LCP1: variants seen among roughly 807,000 people sequenced by gnomAD.
LCP1 encodes plastin-2.
In LCP1, 23 loss-of-function variants were observed where a neutral mutation model predicts 72.0. The ratio of observed to expected loss-of-function variants is 0.32; its 90% CI spans 0.23 to 0.45. The LOEUF (loss-of-function observed/expected upper bound fraction) is 0.45. LCP1 is among the 20% of genes least tolerant of loss of function. The pLI, the probability that LCP1 is intolerant of heterozygous loss-of-function variation, is 1.00. For synonymous variants in LCP1, 245 were observed against 275.4 expected (o/e 0.89, Z 1.09); for missense variants, 571 against 748.3 (o/e 0.76, Z 2.76).
At chr13:46,157,179 GCAAATATAT>G (rs1156476874) in intron 4 of LCP1, among the ~76,000 whole-genome samples, 1 of 150,674 alleles carries the variant, frequency 6.6e-6, no homozygotes, top group African/African-American at 2.4e-5. Context: ...ACATTTAGAA[GCAAATATAT>G]ACATATGTTT....
intron 9 of LCP1, among the ~76,000 whole-genome samples, chr13:46,147,427 C>A (rs10492452): frequency 0.16 from 24,583 of 152,064 alleles, 2,514 homozygotes; most frequent in Admixed American, 0.24. Context: ...TTATTTCCAA[C>A]CATTAAGATT....
intron 12 of LCP1, chr13:46,142,767 T>A (rs1264929287): frequency 6.3e-6 from 3 of 473,808 alleles, no homozygotes; most frequent in African/African-American, 2.0e-5. Flanking sequence ...GAGATTGACA[T>A]GGAAAATTTG....
chr13:46,156,692 T>G, intron 4 of LCP1, 122 bp from the exon 5 acceptor site: 1 of 1,021,444 alleles, frequency 9.8e-7, no homozygotes, highest in East Asian at 2.4e-5. Flanking sequence ...CAGTCCATTA[T>G]CTTATCATCT....
At chr13:46,151,820 G>A (rs1003516543) in intron 7 of LCP1, among the ~76,000 whole-genome samples, 1 of 152,170 alleles carries the variant, frequency 6.6e-6, no homozygotes, top group Non-Finnish European at 1.5e-5. Flanking sequence ...TTTCATATTG[G>A]TAGGATTTGT....
At position 46,158,903 on chromosome 13, in the gene LCP1, G is replaced by A. The variant is rs1387431235; in HGVS notation, c.151C>T (p.Arg51Ter). Residue 51 changes from arginine to a stop codon, truncating the protein, a stop_gained, in exon 3 of 16, where the codon CGA becomes TGA. Coordinates refer to ENST00000323076, the MANE Select transcript of LCP1 (RefSeq NM_002298.5). LOFTEE classifies it high-confidence loss of function. ...GCCATCAGGTTTTCTGTAATTTCTC[G>A]TACTCTATACCCAGGCAAAGGCAAG... ...ACLPLPGYRV[R>*]EITENLMATG... 9 of 1,613,910 alleles carry A rather than the reference G, an allele frequency of 5.6e-6. No homozygotes were observed. Among genetic ancestry groups the A allele is most frequent in the African/African-American group, 4.0e-5 (3 of 74,876 alleles).
In LCP1 at chr13:46,134,170, G is replaced by A; in HGVS notation, c.1583C>T (p.Thr528Ile). 1 of 1,613,468 alleles carries A rather than the reference G, an allele frequency of 6.2e-7. No individual in the cohort carries two copies. The highest frequency in any genetic ancestry group is 8.5e-7 in the Non-Finnish European group (1 of 1,179,574). Residue 528 changes from threonine to isoleucine, a missense_variant, in exon 14 of 16, where the codon ACA (threonine) becomes ATA (isoleucine). Coordinates refer to ENST00000323076, the MANE Select transcript of LCP1 (RefSeq NM_002298.5). ...TGAACTTTTCTTTGCTTCCCTCAAT[G>A]TTTCATTCACCCAGTTGACAATAAT... ...DDIIVNWVNETLREAKKSSSI... is the reference protein window; with the variant it reads ...DDIIVNWVNEILREAKKSSSI...
intron 1 of LCP1, among the ~76,000 whole-genome samples, chr13:46,170,950 C>A (rs2138279923): frequency 6.6e-6 from 1 of 152,318 alleles, no homozygotes; most frequent in East Asian, 1.9e-4. Context: ...TAGATTTCAA[C>A]AGAGCAGTAG....
intron 7 of LCP1, 77 bp downstream of exon 7, chr13:46,152,703 C>T: frequency 1.4e-6 from 2 of 1,435,496 alleles, no homozygotes; most frequent in Non-Finnish European, 1.9e-6. Flanking sequence ...GAATTTCTGA[C>T]ATCTTCCTCC....
At chr13:46,149,217 T>C (rs1047415811) in intron 8 of LCP1, among the ~76,000 whole-genome samples, 4 of 152,198 alleles carry the variant, frequency 2.6e-5, no homozygotes, top group African/African-American at 4.8e-5. Context: ...AAAAATCAGC[T>C]ATTATTTTGT....
chr13:46,134,424 C>T (rs771464500), intron 13 of LCP1, among the ~76,000 whole-genome samples, 174 bp from the exon 14 acceptor site: 42 of 151,990 alleles, frequency 2.8e-4, no homozygotes, highest in Non-Finnish European at 5.1e-4. Flanking sequence ...TTTAGAATAA[C>T]TTAAGACGTG....
At chr13:46,153,871 C>A (rs2045784731) in intron 6 of LCP1, among the ~76,000 whole-genome samples, 1 of 152,080 alleles carries the variant, frequency 6.6e-6, no homozygotes, top group Non-Finnish European at 1.5e-5. Context: ...AACAACAATG[C>A]AGGTAATGTA....
In LCP1 at chr13:46,146,972, G is replaced by A. The variant is rs1375365382; in HGVS notation, c.1110C>T (p.Leu370=). The A allele has an allele frequency of 1.9e-6, 3 of 1,614,018 alleles. No homozygotes were observed. The highest frequency in any genetic ancestry group is 1.3e-5 in the African/African-American group (1 of 74,916). Residue 370 remains leucine, a synonymous_variant, in exon 10 of 16, where the codon CTC becomes CTT. Transcript: ENST00000323076. ...TGTGCAGGGCAGGGTATCTGTTAAA[G>A]AGGTTGGCAATAAAAGCCAAGTTCA... ...PKLNLAFIAN[L]FNRYPALHKP...
rs759240222 is a variant in LCP1 at position 46,126,047 on chromosome 13, A to T, written c.*1544T>A. 9.6e-6 allele frequency: 2 copies of T among 208,942 alleles called. No homozygotes were observed. The highest frequency in any genetic ancestry group is 2.0e-5 in the Non-Finnish European group (2 of 102,518). 12.9% of individuals were successfully genotyped at this position (208,942 alleles called of 1,614,324 possible). A position where few individuals can be genotyped will look rare whatever the true frequency, so the allele number is the denominator to read the frequency against. On this transcript the variant is annotated 3_prime_UTR_variant, in exon 16 of 16. Coordinates refer to ENST00000323076, the MANE Select transcript of LCP1 (RefSeq NM_002298.5). ...ATCATCTGAGGCTACAGTAAGTTCA[A>T]TCTGAAGTCAAAACCAACCAATTTG...
intron 8 of LCP1, chr13:46,148,696 G>T: frequency 2.0e-6 from 1 of 510,142 alleles, no homozygotes; most frequent in South Asian, 3.4e-5. Flanking sequence ...GCACCCTAAA[G>T]AAGTGGATAT....
Position 46,156,561 on chromosome 13 carries a change from T to A in LCP1, c.368A>T (p.Lys123Met). 6.2e-7 allele frequency: 1 copy of A among 1,614,178 alleles called. No individual in the cohort carries two copies. The highest frequency in any genetic ancestry group is 8.5e-7 in the Non-Finnish European group (1 of 1,180,038). The stretch of plus-strand genomic sequence containing the variant: ...GTTTATCCAGTTGACAAAGGCATAC[T>A]TTTCTTCCTCTGCAAGTAAATGATT... ...GTQHSYSEEE[K>M]YAFVNWINKA... The change falls in exon 5 of 16, where the codon AAG becomes ATG. Residue 123 changes from lysine (K) to methionine (M), a missense_variant. Physicochemically the swap from Lys to Met is moderately conservative, Grantham distance 95 (BLOSUM62 -1). Transcript: ENST00000323076.
intron 5 of LCP1, among the ~76,000 whole-genome samples, chr13:46,156,128 C>T (rs903534485): frequency 6.6e-6 from 1 of 152,000 alleles, no homozygotes; most frequent in Non-Finnish European, 1.5e-5. Context: ...TATAAGTTTC[C>T]CCCACTTAAT....
chr13:46,171,238 G>A (rs2045902990), intron 1 of LCP1, among the ~76,000 whole-genome samples: 2 of 152,206 alleles, frequency 1.3e-5, no homozygotes, highest in Non-Finnish European at 1.5e-5. Context: ...AGCTGGCCCA[G>A]GGTCGCACAG....
chr13:46,154,674 T>A lies in LCP1; in HGVS notation c.573+131A>T. ...AATGTATCCCTTTATCCCTGAAGTA[T>A]GACAAGTCACCAGCCCAAAGCCTGG... On this transcript the variant is annotated intron_variant, in intron 6 of 15. Coordinates refer to ENST00000323076, the MANE Select transcript of LCP1 (RefSeq NM_002298.5). The A allele has an allele frequency of 5.8e-6, 4 of 687,366 alleles. No homozygotes were observed. The South Asian group carries it at 7.3e-5, about 13-fold the overall frequency. The allele number at this position is 687,366 out of a possible 1,614,324, so 42.6% of individuals were successfully genotyped here.
At chr13:46,138,942 G>C (rs924731023) in intron 13 of LCP1, among the ~76,000 whole-genome samples, 1 of 152,084 alleles carries the variant, frequency 6.6e-6, no homozygotes, top group Non-Finnish European at 1.5e-5. Flanking sequence ...CACCGCACCC[G>C]CTGGCTTGAG....
Sources: gnomAD v4.1 joint callset for allele counts (sites outside exome capture counted in the v4.1 genomes callset) on GRCh38, gnomAD v4.1.1 for gene constraint, MANE v1.5 for transcripts, NCBI Gene and HGNC (gene_info 2026-07-23, HGNC 2026-07-21) for gene names.